The following NOSIP variants were observed in gnomAD, a reference collection of about 807,000 sequenced individuals.
NOSIP encodes nitric oxide synthase interacting protein, also known as nitric oxide synthase-interacting protein.
A neutral mutation model predicts 36.4 loss-of-function variants in NOSIP; 25 were observed. That is an observed-to-expected ratio of 0.69 (90% CI 0.50 to 0.96). NOSIP has a LOEUF of 0.96. Among genes scored for constraint, NOSIP ranks in the 40% least tolerant of loss-of-function variants. NOSIP has a pLI of 0.00. For synonymous variants in NOSIP, 187 were observed against 179.2 expected (o/e 1.04, Z -0.35); for missense variants, 370 against 429.0 (o/e 0.86, Z 1.21).
chr19:49,567,982 A>G (rs537960946), intron 1 of NOSIP, among the ~76,000 whole-genome samples: 64 of 152,212 alleles, frequency 4.2e-4, no homozygotes, highest in African/African-American at 1.5e-3. Context: ...CCAACCAACA[A>G]GGGACTAATA....
intron 1 of NOSIP, among the ~76,000 whole-genome samples, chr19:49,572,544 C>A (rs530951128): frequency 7.8e-4 from 118 of 151,600 alleles, no homozygotes; most frequent in African/African-American, 2.8e-3. Flanking sequence ...TCCCAAGTAA[C>A]TGGAATTCCA....
intron 1 of NOSIP, among the ~76,000 whole-genome samples, chr19:49,569,614 C>T (rs1439318903): frequency 6.6e-6 from 1 of 150,896 alleles, no homozygotes; most frequent in East Asian, 2.0e-4. Context: ...TTGAGACCAG[C>T]CTGGCCAACA....
At chr19:49,574,120 C>G (rs961444905) in intron 1 of NOSIP, among the ~76,000 whole-genome samples, 2 of 152,092 alleles carry the variant, frequency 1.3e-5, no homozygotes, top group African/African-American at 4.8e-5. Context: ...CCTCGGCCTC[C>G]CAAAGTGCTG....
intron 8 of NOSIP, 87 bp downstream of exon 8, chr19:49,556,230 A>C: frequency 7.9e-6 from 3 of 380,392 alleles, no homozygotes; most frequent in Non-Finnish European, 1.4e-5. Context: ...GAGTTGGGGG[A>C]AGGGGAGGGG....
intron 1 of NOSIP, among the ~76,000 whole-genome samples, chr19:49,577,254 A>G (rs1043102917): frequency 1.3e-5 from 2 of 152,156 alleles, no homozygotes; most frequent in African/African-American, 4.8e-5. Context: ...CTGCCAATAG[A>G]AATAAAAACA....
At chr19:49,580,370 T>C (rs960570601) in intron 1 of NOSIP, 145 bp downstream of exon 1, 2 of 151,748 alleles carry the variant, frequency 1.3e-5, no homozygotes, top group Admixed American at 6.6e-5. Flanking sequence ...GCTTCAAACT[T>C]GGGGCGCCCG....
chr19:49,556,172 G>GGC, intron 8 of NOSIP, 145 bp downstream of exon 8: 1 of 336,578 alleles, frequency 3.0e-6, no homozygotes, highest in Non-Finnish European at 5.2e-6. Flanking sequence ...GGAGAAAGCG[G>GGC]GGGGGGGGGG....
At chr19:49,565,279 A>C (rs1402688505) in intron 1 of NOSIP, among the ~76,000 whole-genome samples, 2 of 151,600 alleles carry the variant, frequency 1.3e-5, no homozygotes, top group Admixed American at 1.3e-4. Context: ...TCTCAAAAAA[A>C]AAAAAGTCAG....
chr19:49,566,786 T>TATAC (rs1599757166), intron 1 of NOSIP: 4 of 135,598 alleles, frequency 2.9e-5, no homozygotes, highest in African/African-American at 1.1e-4. Context: ...TATAAATACA[T>TATAC]ATACATACAT....
intron 1 of NOSIP, among the ~76,000 whole-genome samples, chr19:49,576,007 C>T (rs868094227): frequency 2.6e-4 from 39 of 151,936 alleles, no homozygotes; most frequent in African/African-American, 7.7e-4. Flanking sequence ...TGGTGGCGGG[C>T]GCCTGTAGTC....
intron 1 of NOSIP, among the ~76,000 whole-genome samples, chr19:49,564,470 A>AAAAAAAC (rs2080378489): frequency 6.6e-6 from 1 of 151,356 alleles, no homozygotes; most frequent in African/African-American, 2.4e-5. Flanking sequence ...AAAAAAAAAA[A>AAAAAAAC]AAAAAACAAA....
chr19:49,557,871 C>A (rs1277516928), intron 4 of NOSIP: 1 of 987,780 alleles, frequency 1.0e-6, no homozygotes. Context: ...GTAACAGTGA[C>A]AGTGATGGAT....
chr19:49,564,298 CA>C (rs919284264), intron 1 of NOSIP, among the ~76,000 whole-genome samples: 2 of 151,814 alleles, frequency 1.3e-5, no homozygotes, highest in Admixed American at 6.6e-5. Flanking sequence ...ACTAAAAATA[CA>C]AAAAGTTAGC....
intron 1 of NOSIP, among the ~76,000 whole-genome samples, chr19:49,567,111 C>T (rs2080419784): frequency 1.4e-5 from 2 of 146,462 alleles, no homozygotes; most frequent in African/African-American, 5.1e-5. Flanking sequence ...CCACCGTGCC[C>T]AGCCAAAAAA....
At chr19:49,559,892 G>A (rs2080307715) in intron 3 of NOSIP, 42 bp downstream of exon 3, 1 of 1,477,112 alleles carries the variant, frequency 6.8e-7, no homozygotes, top group Non-Finnish European at 9.4e-7. Context: ...CGGTTCCCTT[G>A]CTCTCCCCAC....
At chr19:49,566,059 G>A (rs148081494) in intron 1 of NOSIP, among the ~76,000 whole-genome samples, 6 of 148,074 alleles carry the variant, frequency 4.1e-5, no homozygotes, top group African/African-American at 2.5e-5. Context: ...TCGCTCTGTC[G>A]TCCAGGCTGG....
intron 8 of NOSIP, 35 bp downstream of exon 8, chr19:49,556,282 G>T: frequency 7.2e-7 from 1 of 1,393,952 alleles, no homozygotes; most frequent in South Asian, 1.2e-5. Flanking sequence ...CGGGGCCTTG[G>T]AGTGCTGGGG....
intron 1 of NOSIP, among the ~76,000 whole-genome samples, chr19:49,575,476 C>T (rs966623942): frequency 2.0e-5 from 3 of 152,196 alleles, no homozygotes. Context: ...AATTTCACTA[C>T]CCCTGAAAAT....
chr19:49,564,612 T>C (rs976370612), intron 1 of NOSIP, among the ~76,000 whole-genome samples: 1 of 152,022 alleles, frequency 6.6e-6, no homozygotes, highest in African/African-American at 2.4e-5. Flanking sequence ...GCACAACCAC[T>C]TTGGAAAGCA....
Sources: gnomAD v4.1 joint callset for allele counts (sites outside exome capture counted in the v4.1 genomes callset) on GRCh38, gnomAD v4.1.1 for gene constraint, MANE v1.5 for transcripts, NCBI Gene and HGNC (gene_info 2026-07-23, HGNC 2026-07-21) for gene names.